Variants in ROR1 observed in about 807,000 individuals in gnomAD.
ROR1 encodes the protein inactive tyrosine-protein kinase transmembrane receptor ROR1.
In ROR1, 19 loss-of-function variants were observed where a neutral mutation model predicts 78.8. The ratio of observed to expected loss-of-function variants is 0.24; its 90% CI spans 0.17 to 0.35. The LOEUF is 0.35. ROR1 is among the 10% of genes least tolerant of loss of function. ROR1 has a pLI of 1.00. For missense variants in ROR1, 917 were observed against 1,177.8 expected, an observed-to-expected ratio of 0.78 and a Z score of 3.24; for synonymous variants, 386 against 433.6, an observed-to-expected ratio of 0.89 and a Z score of 1.36.
At chr1:63,825,115 C>T (rs1297365211) in intron 1 of ROR1, among the ~76,000 whole-genome samples, 3 of 152,182 alleles carry the variant, frequency 2.0e-5, no homozygotes, top group Non-Finnish European at 4.4e-5. Flanking sequence ...CTTTGGACAA[C>T]AATTTGGCAG....
intron 2 of ROR1, among the ~76,000 whole-genome samples, chr1:64,019,739 T>C (rs1043451408): frequency 6.6e-6 from 1 of 152,130 alleles, no homozygotes; most frequent in Non-Finnish European, 1.5e-5. Flanking sequence ...CTGTGACAGA[T>C]TTACAGATGA....
intron 4 of ROR1, among the ~76,000 whole-genome samples, chr1:64,068,235 C>A (rs1303514829): frequency 6.6e-6 from 1 of 152,150 alleles, no homozygotes; most frequent in African/African-American, 2.4e-5. Flanking sequence ...ATTCTTATAT[C>A]TGTCTAGCTA....
At chr1:64,034,098 C>G (rs1646682238) in intron 2 of ROR1, among the ~76,000 whole-genome samples, 1 of 152,094 alleles carries the variant, frequency 6.6e-6, no homozygotes, top group Non-Finnish European at 1.5e-5. Flanking sequence ...TCTAATTTTA[C>G]CCTGAAATTC....
chr1:64,061,162 ATGTTGGAAGTC>A (rs2100605382), intron 4 of ROR1, among the ~76,000 whole-genome samples: 1 of 152,330 alleles, frequency 6.6e-6, no homozygotes, highest in East Asian at 1.9e-4. Context: ...GTTAAATTGA[ATGTTGGAAGTC>A]TGTGTCCTGA....
intron 4 of ROR1, among the ~76,000 whole-genome samples, chr1:64,122,466 A>G (rs1648574838): frequency 1.3e-5 from 2 of 152,140 alleles, no homozygotes; most frequent in Admixed American, 1.3e-4. Flanking sequence ...GCATCCACTT[A>G]TGTATTCATC....
intron 1 of ROR1, among the ~76,000 whole-genome samples, chr1:63,784,690 T>C (rs1644673206): frequency 6.6e-6 from 1 of 152,196 alleles, no homozygotes; most frequent in Non-Finnish European, 1.5e-5. Context: ...ACGTAACCTC[T>C]GAGACTGGCT....
intron 1 of ROR1, among the ~76,000 whole-genome samples, chr1:63,954,903 T>C (rs1247836262): frequency 3.3e-5 from 5 of 152,096 alleles, no homozygotes; most frequent in Non-Finnish European, 7.4e-5. Context: ...TGGATTCCAT[T>C]ATGGCAATGG....
intron 2 of ROR1, among the ~76,000 whole-genome samples, chr1:64,016,356 T>A (rs1646520715): frequency 1.3e-5 from 2 of 152,188 alleles, no homozygotes; most frequent in South Asian, 4.1e-4. Context: ...AAAGAAAATA[T>A]CTTACTAATA....
At chr1:63,978,909 C>G (rs891278802) in intron 1 of ROR1, among the ~76,000 whole-genome samples, 1 of 152,196 alleles carries the variant, frequency 6.6e-6, no homozygotes, top group East Asian at 1.9e-4. Context: ...AGGGCCGATG[C>G]TGTAGTTTCA....
intron 2 of ROR1, among the ~76,000 whole-genome samples, chr1:64,025,826 G>A (rs1197084618): frequency 2.6e-5 from 4 of 152,120 alleles, no homozygotes; most frequent in African/African-American, 9.7e-5. Flanking sequence ...AGAATGCAAA[G>A]GCATAAGAAT....
chr1:63,921,038 T>C (rs1270819914), intron 1 of ROR1, among the ~76,000 whole-genome samples: 2 of 152,198 alleles, frequency 1.3e-5, no homozygotes, highest in African/African-American at 4.8e-5. Flanking sequence ...ACAAACGGAC[T>C]AAATTATTAA....
At chr1:64,034,017 C>T (rs530819405) in intron 2 of ROR1, among the ~76,000 whole-genome samples, 11 of 152,192 alleles carry the variant, frequency 7.2e-5, no homozygotes, top group South Asian at 4.2e-4. Context: ...ATGTTAGTTA[C>T]GTCATTCAGG....
intron 7 of ROR1, chr1:64,142,971 C>T (rs1240941665): frequency 2.6e-6 from 3 of 1,135,792 alleles, no homozygotes; most frequent in Non-Finnish European, 3.3e-6. Context: ...CCAGAATGGT[C>T]TGCGTCCAAG....
chr1:64,115,411 A>T (rs7543212), intron 4 of ROR1, among the ~76,000 whole-genome samples: 20,309 of 151,416 alleles, frequency 0.13, 1,501 homozygotes, highest in African/African-American at 0.18. Flanking sequence ...TTATTTATTT[A>T]TTTTGTAGAG....
intron 2 of ROR1, among the ~76,000 whole-genome samples, chr1:64,043,544 T>C (rs1646761024): frequency 6.6e-6 from 1 of 152,228 alleles, no homozygotes; most frequent in Non-Finnish European, 1.5e-5. Context: ...TGACTTCCAG[T>C]TACGTCATAA....
At chr1:63,963,357 CG>C (rs111466350) in intron 1 of ROR1, among the ~76,000 whole-genome samples, 45,265 of 151,698 alleles carry the variant, frequency 0.3, 9,384 homozygotes, top group African/African-American at 0.6. Flanking sequence ...CACCTGAGGT[CG>C]GGAGTTTGAT....
chr1:63,883,746 G>A (rs1464385817), intron 1 of ROR1, among the ~76,000 whole-genome samples: 1 of 152,150 alleles, frequency 6.6e-6, no homozygotes, highest in Non-Finnish European at 1.5e-5. Flanking sequence ...TGAGTTCTGA[G>A]TCTGATTTCT....
intron 1 of ROR1, among the ~76,000 whole-genome samples, chr1:63,791,840 G>C (rs533840549): frequency 6.6e-6 from 1 of 152,082 alleles, no homozygotes; most frequent in Non-Finnish European, 1.5e-5. Context: ...ATCTGAGATC[G>C]AGGATTTAGA....
chr1:64,024,306 C>A (rs1646590802), intron 2 of ROR1, among the ~76,000 whole-genome samples: 1 of 151,928 alleles, frequency 6.6e-6, no homozygotes, highest in South Asian at 2.1e-4. Flanking sequence ...CATGGTGAAA[C>A]CCTGTCTGTA....
Sources: allele counts gnomAD v4.1 joint callset (sites outside exome capture counted in the v4.1 genomes callset), GRCh38; gene constraint gnomAD v4.1.1; transcripts MANE v1.5; gene names NCBI Gene and HGNC (gene_info 2026-07-23, HGNC 2026-07-21).